The following ERC1 variants were observed in gnomAD, a reference collection of about 807,000 sequenced individuals.
ERC1 encodes the protein ELKS/RAB6-interacting/CAST family member 1.
In ERC1, 56 loss-of-function variants were observed where a neutral mutation model predicts 132.0. The observed-to-expected ratio is 0.42, with a 90% CI of 0.34 to 0.53. The LOEUF (loss-of-function observed/expected upper bound fraction) is 0.53, where lower values mean the gene tolerates loss of function less well. ERC1 is among the 20% of genes least tolerant of loss of function. ERC1 has a pLI of 0.03. For synonymous variants in ERC1, 478 were observed against 476.1 expected (o/e 1.00, Z -0.05); for missense variants, 1,202 against 1,349.9 (o/e 0.89, Z 1.72).
At chr12:1,054,884 ATTTTAT>A (rs2154171165) in intron 2 of ERC1, among the ~76,000 whole-genome samples, 1 of 152,270 alleles carries the variant, frequency 6.6e-6, no homozygotes, top group East Asian at 1.9e-4. Flanking sequence ...ACCGTGTGTG[ATTTTAT>A]AAACATGAAT....
At chr12:1,319,523 A>G (rs1373032410) in intron 15 of ERC1, among the ~76,000 whole-genome samples, 1 of 152,178 alleles carries the variant, frequency 6.6e-6, no homozygotes, top group African/African-American at 2.4e-5. Flanking sequence ...TAGGTATGAT[A>G]TGAGATATTT....
At chr12:1,332,194 T>G (rs2082915880) in intron 15 of ERC1, among the ~76,000 whole-genome samples, 1 of 152,226 alleles carries the variant, frequency 6.6e-6, no homozygotes, top group Non-Finnish European at 1.5e-5. Flanking sequence ...GACTTTATCT[T>G]ACAGTACTTT....
intron 15 of ERC1, among the ~76,000 whole-genome samples, chr12:1,323,567 T>C (rs73034949): frequency 2.0e-5 from 3 of 152,312 alleles, no homozygotes; most frequent in Non-Finnish European, 4.4e-5. Flanking sequence ...TCAAATGCTA[T>C]GTTTGTACAA....
chr12:1,189,415 C>T (rs1042832884), intron 11 of ERC1, among the ~76,000 whole-genome samples: 1 of 152,174 alleles, frequency 6.6e-6, no homozygotes, highest in Non-Finnish European at 1.5e-5. Context: ...TTAGGTAAAG[C>T]AGCATATAGG....
chr12:1,373,770 G>A (rs2087532035), intron 16 of ERC1, among the ~76,000 whole-genome samples: 1 of 152,058 alleles, frequency 6.6e-6, no homozygotes, highest in Admixed American at 6.5e-5. Flanking sequence ...GAGGACGAGA[G>A]TCCGTCTCAA....
intron 2 of ERC1, among the ~76,000 whole-genome samples, chr12:1,061,532 G>T (rs1937897745): frequency 6.6e-6 from 1 of 152,106 alleles, no homozygotes; most frequent in Admixed American, 6.5e-5. Flanking sequence ...GAACCTGGGA[G>T]GCATAGGTTG....
chr12:1,108,838 T>C (rs543412911), intron 4 of ERC1, among the ~76,000 whole-genome samples: 1 of 152,340 alleles, frequency 6.6e-6, no homozygotes, highest in South Asian at 2.1e-4. Flanking sequence ...GACAGAGGAA[T>C]ACATCCTCTC....
At chr12:1,040,997 A>G (rs1282366435) in intron 2 of ERC1, among the ~76,000 whole-genome samples, 1 of 152,150 alleles carries the variant, frequency 6.6e-6, no homozygotes, top group African/African-American at 2.4e-5. Flanking sequence ...GTAATTCTTA[A>G]ACTTGTTGGC....
intron 16 of ERC1, among the ~76,000 whole-genome samples, chr12:1,378,956 C>T (rs780859146): frequency 1.2e-4 from 18 of 152,140 alleles, no homozygotes; most frequent in Admixed American, 4.6e-4. Flanking sequence ...GGAAGCACAT[C>T]ACAAAGAACA....
chr12:1,447,347 G>T (rs555128511), intron 18 of ERC1, among the ~76,000 whole-genome samples: 24 of 151,974 alleles, frequency 1.6e-4, no homozygotes, highest in African/African-American at 5.5e-4. Flanking sequence ...GAGAGACCTC[G>T]TCTTTAAAAA....
chr12:1,071,236 C>A (rs142593693), intron 2 of ERC1, among the ~76,000 whole-genome samples: 1 of 152,286 alleles, frequency 6.6e-6, no homozygotes, highest in Non-Finnish European at 1.5e-5. Context: ...ATTCCTGGGT[C>A]CTAGGGTGGT....
intron 15 of ERC1, among the ~76,000 whole-genome samples, chr12:1,341,063 C>CTCTTTTTTTTTT (rs1566629703): frequency 2.2e-5 from 1 of 45,160 alleles, no homozygotes; most frequent in Admixed American, 3.2e-4. Context: ...TTATTCTTTT[C>CTCTTTTTTTTTT]TTTTTCTTTT....
intron 16 of ERC1, among the ~76,000 whole-genome samples, chr12:1,374,397 A>G (rs889145777): frequency 6.6e-6 from 1 of 151,334 alleles, no homozygotes; most frequent in Non-Finnish European, 1.5e-5. Context: ...CCCACCCCCT[A>G]CAGGGTAACT....
chr12:1,486,650 C>A (rs7299246), intron 18 of ERC1, among the ~76,000 whole-genome samples: 6,418 of 152,120 alleles, frequency 0.042, 452 homozygotes, highest in African/African-American at 0.15. Context: ...GTTTTGAACT[C>A]CTGGCCTCAA....
intron 15 of ERC1, among the ~76,000 whole-genome samples, chr12:1,300,947 G>A (rs1281656792): frequency 6.6e-6 from 1 of 152,042 alleles, no homozygotes; most frequent in East Asian, 1.9e-4. Flanking sequence ...CCATCACTAG[G>A]TATGTACCCA....
At chr12:1,436,350 G>T (rs2092948484) in intron 17 of ERC1, among the ~76,000 whole-genome samples, 1 of 152,146 alleles carries the variant, frequency 6.6e-6, no homozygotes, top group South Asian at 2.1e-4. Context: ...GACTGAGAAG[G>T]AGCCGGTAAA....
At chr12:1,137,095 CTTTTCTTTTTTTT>C (rs890647073) in intron 7 of ERC1, among the ~76,000 whole-genome samples, 31 of 134,766 alleles carry the variant, frequency 2.3e-4, no homozygotes, top group African/African-American at 8.7e-4. Flanking sequence ...TTCTTTTTTT[CTTTTCTTTTTTTT>C]TTTTTTTTTG....
intron 18 of ERC1, among the ~76,000 whole-genome samples, chr12:1,454,358 C>T (rs1019677410): frequency 2.0e-5 from 3 of 152,134 alleles, no homozygotes; most frequent in African/African-American, 7.2e-5. Context: ...CCCCAAGTCC[C>T]ATAAGCCATT....
chr12:1,023,113 T>C (rs1966618400), intron 1 of ERC1, among the ~76,000 whole-genome samples: 1 of 152,146 alleles, frequency 6.6e-6, no homozygotes, highest in Non-Finnish European at 1.5e-5. Context: ...TAGTTCTACA[T>C]AGAGCTTGAG....
Sources: allele counts gnomAD v4.1 joint callset (sites outside exome capture counted in the v4.1 genomes callset), GRCh38; gene constraint gnomAD v4.1.1; transcripts MANE v1.5; gene names NCBI Gene and HGNC (gene_info 2026-07-23, HGNC 2026-07-21).